BRWD3: variants seen among roughly 807,000 people sequenced by gnomAD.
BRWD3 encodes the protein bromodomain and WD repeat domain containing 3.
In BRWD3, 10 loss-of-function variants were observed where a neutral mutation model predicts 149.7. That is an observed-to-expected ratio of 0.07 (90% CI 0.04 to 0.11). The LOEUF is 0.11. Among genes scored for constraint, BRWD3 ranks in the 10% least tolerant of loss-of-function variants. The pLI, the probability that BRWD3 is intolerant of heterozygous loss-of-function variation, is 1.00. For synonymous variants in BRWD3, 504 were observed against 456.7 expected (o/e 1.10, Z -1.32); for missense variants, 940 against 1,373.2 (o/e 0.68, Z 4.99).
chrX:80,695,852 A>G, intron 27 of BRWD3, 56 bp downstream of exon 27: 4 of 998,796 alleles, frequency 4.0e-6, no homozygotes, highest in Non-Finnish European at 5.6e-6. Flanking sequence ...TCACAGTTAA[A>G]AAGTTACTTA....
At chrX:80,789,759 T>G (rs1039330731) in intron 6 of BRWD3, among the ~76,000 whole-genome samples, 3 of 110,986 alleles carry the variant, frequency 2.7e-5, no homozygotes, top group African/African-American at 9.8e-5. Flanking sequence ...AAGTACACCA[T>G]TCATTTAACT....
intron 6 of BRWD3, among the ~76,000 whole-genome samples, chrX:80,772,157 A>C (rs1185692751): frequency 1.8e-5 from 2 of 111,986 alleles, no homozygotes; most frequent in Non-Finnish European, 3.8e-5. Context: ...TACTATAAAG[A>C]CACACGCACA....
intron 25 of BRWD3, among the ~76,000 whole-genome samples, chrX:80,699,368 C>T (rs1410040870): frequency 2.7e-5 from 3 of 110,964 alleles, no homozygotes; most frequent in Non-Finnish European, 1.9e-5. Context: ...CACACATAAA[C>T]CTAGGTAGAA....
At chrX:80,759,114 CT>C (rs770323344) in intron 6 of BRWD3, among the ~76,000 whole-genome samples, 56 of 111,963 alleles carry the variant, frequency 5.0e-4, no homozygotes, top group African/African-American at 1.7e-3. Flanking sequence ...GGAAACTACA[CT>C]TCTACGAATG....
intron 9 of BRWD3, 104 bp downstream of exon 9, chrX:80,735,884 T>C (rs1025833985): frequency 2.0e-6 from 1 of 489,778 alleles, no homozygotes; most frequent in African/African-American, 2.5e-5. Flanking sequence ...CAAATACACA[T>C]ACACATATGT....
rs755920850 is a variant in BRWD3 at position 80,677,261 on chromosome X, C to G, written c.4757G>C (p.Gly1586Ala). 9 of 1,210,523 alleles carry G rather than the reference C, an allele frequency of 7.4e-6. No homozygotes were observed. The highest frequency in any genetic ancestry group is 1.0e-5 in the Non-Finnish European group (9 of 895,104). ...LSASEEDENM[G>A]GEDKEKKETK... ...TTCTTTTTTCTCTTTATCTTCTCCT[C>G]CCATGTTTTCATCTTCTTCTGATGC... Residue 1586 changes from glycine (G) to alanine (A), a missense_variant, in exon 41 of 41, where the codon GGA (glycine) becomes GCA (alanine). Gly to Ala is a moderately conservative substitution (Grantham distance 60). This residue lies in a region of BRWD3 where 349 missense variants were observed against 419.6 expected (regional missense o/e 0.83). Coordinates refer to ENST00000373275, the MANE Select transcript of BRWD3 (RefSeq NM_153252.5).
chrX:80,753,890 T>C (rs2073704136), intron 6 of BRWD3, among the ~76,000 whole-genome samples: 1 of 111,638 alleles, frequency 9.0e-6, no homozygotes, highest in Admixed American at 9.6e-5. Context: ...TTTGTCTATT[T>C]TTATACCCGT....
At chrX:80,726,767 T>G (rs950864767) in intron 14 of BRWD3, among the ~76,000 whole-genome samples, 2 of 110,795 alleles carry the variant, frequency 1.8e-5, no homozygotes, top group African/African-American at 6.5e-5. Flanking sequence ...AGTGTTAAGA[T>G]TAGTAGGAAA....
In BRWD3 at chrX:80,670,277, C is replaced by T. The variant is rs1000703859; in HGVS notation, c.*6332G>A. ...AATGACCTGAGAAAGCAACTGTAAG[C>T]GTATAGGCTTAACTATCCCACCAAA... On this transcript the variant is annotated 3_prime_UTR_variant, in exon 41 of 41. Transcript: ENST00000373275. Among the ~76,000 whole-genome samples the T allele has an allele frequency of 7.2e-5, 8 of 111,318 alleles. No individual in the cohort carries two copies. The highest frequency in any genetic ancestry group is 3.3e-5 in the African/African-American group (1 of 30,602).
intron 12 of BRWD3, among the ~76,000 whole-genome samples, chrX:80,732,729 A>G (rs1356718724): frequency 3.6e-5 from 4 of 112,115 alleles, no homozygotes; most frequent in Non-Finnish European, 7.5e-5. Flanking sequence ...ATTCATATAG[A>G]GAATAGTAGC....
chrX:80,786,817 C>T (rs999759710), intron 6 of BRWD3, among the ~76,000 whole-genome samples: 7 of 112,064 alleles, frequency 6.2e-5, no homozygotes, highest in African/African-American at 2.3e-4. Context: ...GCCTAATCCA[C>T]CGTGCCCGGC....
At chrX:80,752,372 G>T (rs931697788) in intron 6 of BRWD3, among the ~76,000 whole-genome samples, 3 of 111,465 alleles carry the variant, frequency 2.7e-5, no homozygotes, top group Non-Finnish European at 5.6e-5. Flanking sequence ...ACTAGTGCAA[G>T]TATCTTTTTG....
intron 8 of BRWD3, among the ~76,000 whole-genome samples, 197 bp from the exon 9 acceptor site, chrX:80,736,285 T>C (rs2073403206): frequency 9.0e-6 from 1 of 111,636 alleles, no homozygotes; most frequent in Non-Finnish European, 1.9e-5. Context: ...TCAAAAAAAC[T>C]ATAGGAAAAG....
At position 80,738,582 on chromosome X, in the gene BRWD3, T is replaced by A. The variant is rs760751197; in HGVS notation, c.814-2494A>T. 3.0e-5 allele frequency among the ~76,000 whole-genome samples: 3 copies of A among 98,498 alleles called. No individual in the cohort carries two copies. In the South Asian group the frequency reaches 1.3e-3, roughly 44 times the overall value. The allele number at this position is 98,498 out of a possible 115,157, so 85.5% of individuals were successfully genotyped here. ...ATGACTATTACTACAGACAAAAAAATGAAACAGAAGGGAAGATACAGAGTT... is the reference window on the plus strand; with the variant it reads ...ATGACTATTACTACAGACAAAAAAAAGAAACAGAAGGGAAGATACAGAGTT... On this transcript the variant is annotated intron_variant, in intron 8 of 40. Coordinates refer to ENST00000373275, the MANE Select transcript of BRWD3 (RefSeq NM_153252.5).
chrX:80,781,693 A>ATTT (rs2074058870), intron 6 of BRWD3, among the ~76,000 whole-genome samples: 1 of 111,784 alleles, frequency 8.9e-6, no homozygotes, highest in Non-Finnish European at 1.9e-5. Flanking sequence ...TACAAAAATC[A>ATTT]GTAGCATTTC....
intron 8 of BRWD3, among the ~76,000 whole-genome samples, chrX:80,738,024 T>A (rs758204123): frequency 8.9e-6 from 1 of 112,663 alleles, no homozygotes; most frequent in East Asian, 2.8e-4. Flanking sequence ...TTGTATGACA[T>A]GCTAAGCCTA....
intron 6 of BRWD3, among the ~76,000 whole-genome samples, chrX:80,752,018 A>ATTG (rs2147800671): frequency 9.9e-6 from 1 of 100,940 alleles, no homozygotes; most frequent in South Asian, 4.4e-4. Flanking sequence ...TATTATTATT[A>ATTG]TTATTATTAT....
chrX:80,697,559 G>A (rs1455354386), intron 25 of BRWD3, among the ~76,000 whole-genome samples: 1 of 111,335 alleles, frequency 9.0e-6, no homozygotes, highest in Non-Finnish European at 1.9e-5. Context: ...CCATTTGTAA[G>A]AGAGGGCGTG....
At chrX:80,707,617 G>T in intron 21 of BRWD3, 114 bp from the exon 22 acceptor site, 2 of 687,943 alleles carry the variant, frequency 2.9e-6, no homozygotes, top group Non-Finnish European at 4.5e-6. Flanking sequence ...CTCAAAAAAT[G>T]TTCTTCTTAA....
Sources: allele counts gnomAD v4.1 joint callset (sites outside exome capture counted in the v4.1 genomes callset), GRCh38; gene constraint gnomAD v4.1.1; regional missense constraint gnomAD v4.1.1; transcripts MANE v1.5; gene names NCBI Gene and HGNC (gene_info 2026-07-23, HGNC 2026-07-21).